CACNB4: variants seen among roughly 807,000 people sequenced by gnomAD.
CACNB4 encodes voltage-dependent L-type calcium channel subunit beta-4.
A neutral mutation model predicts 71.2 loss-of-function variants in CACNB4; 32 were observed. The observed-to-expected ratio is 0.45, with a 90% confidence interval of 0.34 to 0.60. The LOEUF is 0.60. CACNB4 is among the 20% of genes least tolerant of loss of function. The probability of loss-of-function intolerance (pLI) is 0.01; values close to 1 mark genes in which losing one functional copy is unlikely to be tolerated. For missense variants in CACNB4, 464 were observed against 647.9 expected (o/e 0.72, Z 3.08); for synonymous variants, 231 against 236.9 (o/e 0.97, Z 0.23).
At chr2:151,895,680 T>A (rs2099851878) in intron 2 of CACNB4, among the ~76,000 whole-genome samples, 1 of 152,034 alleles carries the variant, frequency 6.6e-6, no homozygotes, top group Non-Finnish European at 1.5e-5. Context: ...TGCATATTTT[T>A]ACAGAGTTAT....
At chr2:152,042,985 C>T (rs1228360489) in intron 2 of CACNB4, among the ~76,000 whole-genome samples, 1 of 152,104 alleles carries the variant, frequency 6.6e-6, no homozygotes, top group Admixed American at 6.5e-5. Context: ...AATGCATTAG[C>T]GTGCTAAAAG....
At chr2:151,933,567 G>C (rs568977921) in intron 2 of CACNB4, among the ~76,000 whole-genome samples, 1 of 152,002 alleles carries the variant, frequency 6.6e-6, no homozygotes, top group African/African-American at 2.4e-5. Flanking sequence ...CACACAACTA[G>C]AAGCCTGGAC....
At chr2:151,847,116 A>G (rs893094334) in intron 12 of CACNB4, among the ~76,000 whole-genome samples, 18 of 151,766 alleles carry the variant, frequency 1.2e-4, no homozygotes, top group Non-Finnish European at 1.8e-4. Context: ...AAAAAAAAAA[A>G]AAAAGATTGG....
intron 2 of CACNB4, among the ~76,000 whole-genome samples, chr2:151,946,548 T>A (rs1297853583): frequency 1.3e-5 from 2 of 152,172 alleles, no homozygotes; most frequent in Non-Finnish European, 2.9e-5. Flanking sequence ...ACCATTAGCA[T>A]TCCTTAACAA....
At chr2:152,035,576 TCTCTCTCTCTCC>T (rs1284340587) in intron 2 of CACNB4, among the ~76,000 whole-genome samples, 18 of 150,796 alleles carry the variant, frequency 1.2e-4, no homozygotes, top group Middle Eastern at 3.4e-3. Flanking sequence ...TCTTTCTCTC[TCTCTCTCTCTCC>T]CTCTCTCTCT....
chr2:151,979,381 T>C (rs1280813701), intron 2 of CACNB4, among the ~76,000 whole-genome samples: 1 of 151,798 alleles, frequency 6.6e-6, no homozygotes, highest in Non-Finnish European at 1.5e-5. Context: ...TCCCATGGCC[T>C]ATTCAACTTG....
At chr2:151,934,665 C>T (rs756206832) in intron 2 of CACNB4, among the ~76,000 whole-genome samples, 3 of 151,988 alleles carry the variant, frequency 2.0e-5, no homozygotes, top group Non-Finnish European at 4.4e-5. Context: ...GGTGAAACCC[C>T]GTCTCTACTA....
At chr2:151,887,283 G>A (rs1377883052) in intron 2 of CACNB4, among the ~76,000 whole-genome samples, 2 of 151,902 alleles carry the variant, frequency 1.3e-5, no homozygotes, top group African/African-American at 2.4e-5. Flanking sequence ...GTTAACCCAC[G>A]TGTAAGAAAC....
intron 2 of CACNB4, among the ~76,000 whole-genome samples, chr2:151,996,248 A>G (rs1474379372): frequency 6.6e-6 from 1 of 152,228 alleles, no homozygotes; most frequent in Non-Finnish European, 1.5e-5. Flanking sequence ...CATTTATTGA[A>G]TGAAGATCAA....
chr2:151,841,381 T>A (rs914098319), intron 13 of CACNB4, among the ~76,000 whole-genome samples: 1 of 152,094 alleles, frequency 6.6e-6, no homozygotes, highest in African/African-American at 2.4e-5. Flanking sequence ...GAGATCATCC[T>A]GGGCAACAAA....
chr2:152,090,044 A>T (rs942460147), intron 2 of CACNB4, among the ~76,000 whole-genome samples: 4 of 152,174 alleles, frequency 2.6e-5, no homozygotes, highest in Non-Finnish European at 5.9e-5. Context: ...CCTGGTTAGG[A>T]TTTATGCTTT....
chr2:151,999,095 G>A (rs1682242374), intron 2 of CACNB4, among the ~76,000 whole-genome samples: 1 of 152,172 alleles, frequency 6.6e-6, no homozygotes, highest in African/African-American at 2.4e-5. Context: ...TTGGCATAAG[G>A]AATCAGTAGG....
intron 2 of CACNB4, among the ~76,000 whole-genome samples, chr2:152,019,064 T>C (rs1279864890): frequency 1.3e-5 from 2 of 152,164 alleles, no homozygotes; most frequent in East Asian, 3.9e-4. Flanking sequence ...TTTTGTCCTC[T>C]GCTGCTTGGA....
intron 2 of CACNB4, among the ~76,000 whole-genome samples, chr2:151,986,526 T>A (rs1483784443): frequency 6.6e-6 from 1 of 152,226 alleles, no homozygotes; most frequent in African/African-American, 2.4e-5. Context: ...CCACTCCACA[T>A]TATTAAGCAC....
intron 2 of CACNB4, among the ~76,000 whole-genome samples, chr2:152,030,026 G>T (rs185054913): frequency 3.9e-5 from 6 of 152,246 alleles, no homozygotes; most frequent in Admixed American, 3.3e-4. Flanking sequence ...ACACAAACAG[G>T]TGCACTGAGT....
At chr2:151,981,773 A>T (rs1039066530) in intron 2 of CACNB4, among the ~76,000 whole-genome samples, 16 of 152,314 alleles carry the variant, frequency 1.1e-4, no homozygotes, top group African/African-American at 3.8e-4. Context: ...CAAAAAGCCA[A>T]CTAAGCTGGT....
intron 2 of CACNB4, among the ~76,000 whole-genome samples, chr2:152,071,053 A>G (rs1686661011): frequency 6.6e-6 from 1 of 152,260 alleles, no homozygotes; most frequent in Admixed American, 6.5e-5. Context: ...GGCGTGAGCC[A>G]CTGCACTCAG....
intron 2 of CACNB4, among the ~76,000 whole-genome samples, chr2:152,009,557 T>C (rs562639058): frequency 1.3e-5 from 2 of 152,312 alleles, no homozygotes; most frequent in East Asian, 3.9e-4. Context: ...ACTGTCACAG[T>C]TGGTTGTATA....
At chr2:151,954,850 C>CTTTT (rs34054917) in intron 2 of CACNB4, among the ~76,000 whole-genome samples, 2,274 of 94,818 alleles carry the variant, frequency 0.024, 137 homozygotes, top group Non-Finnish European at 0.033. Context: ...CAAGTCAGCA[C>CTTTT]TTTTTTTTTT....
Sources: allele counts gnomAD v4.1 joint callset (sites outside exome capture counted in the v4.1 genomes callset), GRCh38; gene constraint gnomAD v4.1.1; transcripts MANE v1.5; gene names NCBI Gene and HGNC (gene_info 2026-07-23, HGNC 2026-07-21).